The following LRRC47 variants were observed in gnomAD, a reference collection of about 807,000 sequenced individuals.
LRRC47 encodes the protein leucine-rich repeat-containing protein 47.
In LRRC47, 31 loss-of-function variants were observed where a neutral mutation model predicts 40.9. That is an observed-to-expected ratio of 0.76 (90% confidence interval 0.57 to 1.02). The LOEUF (loss-of-function observed/expected upper bound fraction) is 1.02. Ranked by LOEUF, LRRC47 falls within the 50% of genes least tolerant of loss-of-function variation. LRRC47 has a pLI of 0.00. For synonymous variants in LRRC47, 427 were observed against 371.9 expected (o/e 1.15, Z -1.70); for missense variants, 726 against 796.1 (o/e 0.91, Z 1.06).
rs781390552 is a variant in LRRC47, at chr1:3,796,488, T to G, written c.-12A>C. The G allele has an allele frequency of 1.1e-5, 16 of 1,502,242 alleles. No homozygotes were observed. The Middle Eastern group carries it at 7.1e-4, about 66-fold the overall frequency. The allele number at this position is 1,502,242 out of a possible 1,614,324, so 93.1% of individuals were successfully genotyped here. On this transcript the variant is annotated 5_prime_UTR_variant, in exon 1 of 7. Transcript: ENST00000378251. ...GCTGCCGCCGCCATGGCGCCTCAGCTGCTGGCAGGCACCCACCCACCAGGG... is the reference window on the plus strand; with the variant it reads ...GCTGCCGCCGCCATGGCGCCTCAGCGGCTGGCAGGCACCCACCCACCAGGG...
intron 1 of LRRC47, among the ~76,000 whole-genome samples, chr1:3,791,173 C>T (rs933463693): frequency 3.3e-5 from 5 of 152,196 alleles, no homozygotes; most frequent in Non-Finnish European, 7.3e-5. Context: ...ACGCGAGCGA[C>T]CAGCAGCAAG....
chr1:3,793,327 A>C (rs931454624), intron 1 of LRRC47, among the ~76,000 whole-genome samples: 11 of 152,278 alleles, frequency 7.2e-5, no homozygotes, highest in Admixed American at 5.9e-4. Context: ...TCCCGACCTC[A>C]GGTGATCCGC....
intron 4 of LRRC47, chr1:3,783,110 T>TAA (rs35550470): frequency 1.7e-4 from 25 of 150,950 alleles, no homozygotes; most frequent in South Asian, 7.9e-4. Flanking sequence ...GACCACATCT[T>TAA]AAAAAAAAAA....
Position 3,782,746 on chromosome 1 carries a change from T to A in LRRC47, c.1328A>T (p.Asp443Val), listed in dbSNP as rs1445938533. ...SGLHRYLHLL[D>V]GNENYPCLVD... Reference sequence around the variant, plus strand: ...AAGACACGGGTAATTTTCATTTCCATCCAGCAAGTGAAGGTATCTGTATGG... The same window carrying A: ...AAGACACGGGTAATTTTCATTTCCAACCAGCAAGTGAAGGTATCTGTATGG... The change falls in exon 5 of 7, where the codon GAT becomes GTT. Residue 443 changes from aspartate (D) to valine (V), a missense_variant. Coordinates refer to ENST00000378251, the MANE Select transcript of LRRC47 (RefSeq NM_020710.3). 1.2e-6 allele frequency: 2 copies of A among 1,605,258 alleles called. No individual in the cohort carries two copies. Among genetic ancestry groups the A allele is most frequent in the African/African-American group, 2.7e-5 (2 of 74,742 alleles).
At chr1:3,794,191 T>C (rs962670218) in intron 1 of LRRC47, among the ~76,000 whole-genome samples, 1 of 151,856 alleles carries the variant, frequency 6.6e-6, no homozygotes, top group Non-Finnish European at 1.5e-5. Context: ...CGAGACTCCA[T>C]CTCAAACAAC....
rs926374360 is a variant in LRRC47, at chr1:3,780,957, A to G, written c.*131T>C. On this transcript the variant is annotated 3_prime_UTR_variant, in exon 7 of 7. Transcript: ENST00000378251. ...CGCCACTGCACTCCAGCCTGGCGAC[A>G]GAGCGAGACTCCATCTCAAAAAAAA... 5 of 1,375,690 alleles carry G rather than the reference A, an allele frequency of 3.6e-6. No individual in the cohort carries two copies. In the African/African-American group the frequency reaches 7.3e-5, roughly 20 times the overall value. 85.2% of individuals were successfully genotyped at this position (1,375,690 alleles called of 1,614,324 possible).
In LRRC47 at chr1:3,785,123, G is replaced by A. The variant is rs774654299; in HGVS notation, c.1158C>T (p.Pro386=). 4 of 1,600,924 alleles carry A rather than the reference G, an allele frequency of 2.5e-6. No homozygotes were observed. Among genetic ancestry groups the A allele is most frequent in the East Asian group, 2.3e-5 (1 of 43,396 alleles). The change falls in exon 3 of 7, where the codon CCC becomes CCT. Residue 386 remains proline (P), a synonymous_variant. Coordinates refer to ENST00000378251, the MANE Select transcript of LRRC47 (RefSeq NM_020710.3). ...ATHELRAVKG[P]LLYCARPPQD... is the part of the protein sequence containing the mutation. ...GTGGGGGCCGGGCGCAGTACAGCAGGGGCCCTTTGACGGCACGGAGCTCGT... is the reference window on the plus strand; with the variant it reads ...GTGGGGGCCGGGCGCAGTACAGCAGAGGCCCTTTGACGGCACGGAGCTCGT...
In LRRC47 at chr1:3,796,045, C is replaced by T; in HGVS notation, c.432G>A (p.Leu144=). 6.5e-7 allele frequency: 1 copy of T among 1,541,208 alleles called. No individual in the cohort carries two copies. Among genetic ancestry groups the T allele is most frequent in the Non-Finnish European group, 8.7e-7 (1 of 1,146,206 alleles). The stretch of plus-strand genomic sequence containing the variant: ...GGGCGCAGCGCGCCAGGTCGGCTGG[C>T]AGCTCGCGCAGCCGGTTGCCGCTGA... ...LNLSGNRLRE[L]PADLARCAPR... The change falls in exon 1 of 7, where the codon CTG becomes CTA. Residue 144 remains leucine, a synonymous_variant. Coordinates refer to ENST00000378251, the MANE Select transcript of LRRC47 (RefSeq NM_020710.3).
Position 3,781,019 on chromosome 1 carries a change from T to C in LRRC47, c.*69A>G. The C allele has an allele frequency of 1.3e-6, 2 of 1,550,994 alleles. No homozygotes were observed. Among genetic ancestry groups the C allele is most frequent in the Non-Finnish European group, 1.7e-6 (2 of 1,150,836 alleles). On this transcript the variant is annotated 3_prime_UTR_variant, in exon 7 of 7. Coordinates refer to ENST00000378251, the MANE Select transcript of LRRC47 (RefSeq NM_020710.3). Reference sequence around the variant, plus strand: ...AAAACTGGGGTGAAAATCTAACGGATAATTCAGCATTGCCGCATAGAAACC... The same window carrying C: ...AAAACTGGGGTGAAAATCTAACGGACAATTCAGCATTGCCGCATAGAAACC...
At position 3,787,319 on chromosome 1, in the gene LRRC47, A is replaced by G; in HGVS notation, c.616-9T>C. ...TTCGAGAGGTCCAACGTCTGCAAAG[A>G]GAAACATGGACGCGTCAGACGCCCG... On this transcript the variant is annotated splice_polypyrimidine_tract_variant and intron_variant, in intron 1 of 6. Coordinates refer to ENST00000378251, the MANE Select transcript of LRRC47 (RefSeq NM_020710.3). 2 of 1,604,598 alleles carry G rather than the reference A, an allele frequency of 1.2e-6. No individual in the cohort carries two copies. Among genetic ancestry groups the G allele is most frequent in the Middle Eastern group, 1.7e-4 (1 of 6,042 alleles).
At chr1:3,785,864 T>C (rs1163868416) in intron 2 of LRRC47, among the ~76,000 whole-genome samples, 3 of 150,752 alleles carry the variant, frequency 2.0e-5, no homozygotes, top group South Asian at 4.2e-4. Flanking sequence ...CAAGGAACCC[T>C]GATTTTCCTT....
At chr1:3,781,807 C>T (rs765611911) in intron 5 of LRRC47, among the ~76,000 whole-genome samples, 7 of 152,068 alleles carry the variant, frequency 4.6e-5, no homozygotes, top group Non-Finnish European at 1.0e-4. Flanking sequence ...CAGCAAGACC[C>T]CATCTCTACA....
At chr1:3,793,116 C>T (rs1434788019) in intron 1 of LRRC47, among the ~76,000 whole-genome samples, 1 of 146,298 alleles carries the variant, frequency 6.8e-6, no homozygotes, top group Non-Finnish European at 1.5e-5. Flanking sequence ...TTCCAACTAC[C>T]TTTTTTTTTT....
At chr1:3,784,972 G>A (rs1643558214) in intron 3 of LRRC47, 115 bp downstream of exon 3, 3 of 615,092 alleles carry the variant, frequency 4.9e-6, no homozygotes, top group South Asian at 4.1e-5. Flanking sequence ...TCCAGCCTGG[G>A]CAACAATGGA....
At chr1:3,789,830 A>C (rs1427652076) in intron 1 of LRRC47, among the ~76,000 whole-genome samples, 4 of 152,226 alleles carry the variant, frequency 2.6e-5, no homozygotes, top group African/African-American at 4.8e-5. Flanking sequence ...CCCTCAGGCC[A>C]GCACTGGGCA....
rs1043000983 is a variant in LRRC47, at chr1:3,779,120, CCA to C, written c.*1966_*1967del. 13 of 152,352 alleles carry C rather than the reference CCA, an allele frequency of 8.5e-5. No homozygotes were observed. 9.4% of individuals were successfully genotyped at this position (152,352 alleles called of 1,614,324 possible). ...CGTCCTGTCTGGAGTCCCCTCCCTC[CCA>C]CAGTGGGCGAGACGGGAAGGCCTGG... On this transcript the variant is annotated 3_prime_UTR_variant, in exon 7 of 7. Transcript: ENST00000378251.
rs765274160 is a variant in LRRC47, at chr1:3,782,656, C to T, written c.1413+5G>A. 2.0e-6 allele frequency: 3 copies of T among 1,537,812 alleles called. No individual in the cohort carries two copies. The highest frequency in any genetic ancestry group is 2.2e-5 in the East Asian group (1 of 44,568). The stretch of plus-strand genomic sequence containing the variant: ...CACACCATGTTCACACACATGCCAC[C>T]CTACCTTTGTCTTCTCACTGTTGGT... On this transcript the variant is annotated splice_donor_5th_base_variant and intron_variant, in intron 5 of 6. Coordinates refer to ENST00000378251, the MANE Select transcript of LRRC47 (RefSeq NM_020710.3).
chr1:3,792,549 C>T (rs1643636852), intron 1 of LRRC47, among the ~76,000 whole-genome samples: 1 of 151,812 alleles, frequency 6.6e-6, no homozygotes. Flanking sequence ...CAACCTCTGC[C>T]TCCCGGGTTC....
chr1:3,782,649 A>G lies in LRRC47; in HGVS notation c.1413+12T>C, dbSNP rs553359296. 3 of 1,481,340 alleles carry G rather than the reference A, an allele frequency of 2.0e-6. No homozygotes were observed. The highest frequency in any genetic ancestry group is 2.3e-5 in the South Asian group (2 of 88,490). 91.8% of individuals were successfully genotyped at this position (1,481,340 alleles called of 1,614,324 possible). The stretch of plus-strand genomic sequence containing the variant: ...TAGAAGACACACCATGTTCACACAC[A>G]TGCCACCCTACCTTTGTCTTCTCAC... On this transcript the variant is annotated intron_variant, in intron 5 of 6. Transcript: ENST00000378251.
Sources: gnomAD v4.1 joint callset for allele counts (sites outside exome capture counted in the v4.1 genomes callset) on GRCh38, gnomAD v4.1.1 for gene constraint, MANE v1.5 for transcripts, NCBI Gene and HGNC (gene_info 2026-07-23, HGNC 2026-07-21) for gene names.